The following ADGRL2 variants were observed in gnomAD, a reference collection of about 807,000 sequenced individuals.
ADGRL2 encodes calcium-independent alpha-latrotoxin receptor 2.
ADGRL2 carries 44 observed loss-of-function variants against 157.4 expected under a neutral mutation model. The ratio of observed to expected loss-of-function variants is 0.28; its 90% confidence interval spans 0.22 to 0.36. The LOEUF (loss-of-function observed/expected upper bound fraction) is 0.36. Ranked by LOEUF, ADGRL2 falls within the 10% of genes least tolerant of loss-of-function variation. The pLI is 1.00. For missense variants in ADGRL2, 1,510 were observed against 1,768.9 expected (o/e 0.85, Z 2.63); for synonymous variants, 585 against 624.7 (o/e 0.94, Z 0.95).
chr1:81,951,898 A>G, intron 8 of ADGRL2, 59 bp from the exon 9 acceptor site: 1 of 1,365,374 alleles, frequency 7.3e-7, no homozygotes, highest in Non-Finnish European at 1.0e-6. Context: ...CTCAAGGAGA[A>G]CTAGAAGCTG....
At chr1:81,623,055 T>C (rs184257296) in intron 3 of ADGRL2, among the ~76,000 whole-genome samples, 410 of 152,306 alleles carry the variant, frequency 2.7e-3, no homozygotes, top group Non-Finnish European at 3.6e-3. Context: ...TTAATGCAGA[T>C]TCTGATTCCA....
intron 1 of ADGRL2, among the ~76,000 whole-genome samples, chr1:81,373,132 A>G (rs1394206363): frequency 6.6e-6 from 1 of 152,142 alleles, no homozygotes; most frequent in Admixed American, 6.6e-5. Flanking sequence ...GTAAATATCT[A>G]GTTGGTGGCA....
At chr1:81,516,164 G>A (rs1267288295) in intron 2 of ADGRL2, among the ~76,000 whole-genome samples, 1 of 152,090 alleles carries the variant, frequency 6.6e-6, no homozygotes, top group Non-Finnish European at 1.5e-5. Flanking sequence ...ATGCCCATAA[G>A]TGAAATAGCT....
At chr1:81,422,226 TA>T (rs2077138702) in intron 1 of ADGRL2, among the ~76,000 whole-genome samples, 1 of 152,132 alleles carries the variant, frequency 6.6e-6, no homozygotes, top group African/African-American at 2.4e-5. Context: ...TTAAGAGGTA[TA>T]AAGATGCATT....
intron 1 of ADGRL2, among the ~76,000 whole-genome samples, chr1:81,816,529 A>G (rs2090421954): frequency 6.6e-6 from 1 of 151,928 alleles, no homozygotes; most frequent in Non-Finnish European, 1.5e-5. Flanking sequence ...CTTGCCATGC[A>G]AACTATTTGA....
chr1:81,844,404 T>A (rs1394744112), intron 2 of ADGRL2, among the ~76,000 whole-genome samples: 1 of 152,200 alleles, frequency 6.6e-6, no homozygotes, highest in Non-Finnish European at 1.5e-5. Context: ...AATTTTTTAA[T>A]ATACGATAGC....
chr1:81,392,641 T>C (rs2076580552), intron 1 of ADGRL2, among the ~76,000 whole-genome samples: 1 of 152,160 alleles, frequency 6.6e-6, no homozygotes, highest in Non-Finnish European at 1.5e-5. Context: ...TGGAAGCATA[T>C]TATTAAGAGA....
At chr1:81,595,864 T>C (rs1049755701) in intron 3 of ADGRL2, among the ~76,000 whole-genome samples, 1 of 152,140 alleles carries the variant, frequency 6.6e-6, no homozygotes, top group Non-Finnish European at 1.5e-5. Context: ...TATCTAACAG[T>C]TCTGGAAGCT....
At chr1:81,531,949 C>A (rs2079610424) in intron 2 of ADGRL2, among the ~76,000 whole-genome samples, 2 of 152,126 alleles carry the variant, frequency 1.3e-5, no homozygotes, top group African/African-American at 4.8e-5. Context: ...GTCTAACTGG[C>A]ATAAAAAATG....
chr1:81,578,676 T>C (rs1261425935), intron 2 of ADGRL2, among the ~76,000 whole-genome samples: 1 of 152,102 alleles, frequency 6.6e-6, no homozygotes, highest in African/African-American at 2.4e-5. Context: ...TTAAAAAAAT[T>C]TTTTTGAGCA....
chr1:81,640,138 A>G (rs1054382644), intron 3 of ADGRL2, among the ~76,000 whole-genome samples: 3 of 152,162 alleles, frequency 2.0e-5, no homozygotes, highest in Non-Finnish European at 4.4e-5. Context: ...CCATACAGCC[A>G]TCTGCCAAAC....
Position 81,322,529 on chromosome 1 carries a change from A to C in ADGRL2, c.-302+16020A>C, listed in dbSNP as rs144812567. 5.6e-3 allele frequency among the ~76,000 whole-genome samples: 856 copies of C among 152,224 alleles called. 10 individuals carry two copies. Among genetic ancestry groups the C allele is most frequent in the African/African-American group, 0.019 (805 of 41,550 alleles). On this transcript the variant is annotated intron_variant, in intron 1 of 24. Transcript: ENST00000370721. ...TCAATTAATCATAAGTTTAATATGCACCAGTGGTGATAGGACTGCTAAAAA... is the reference window on the plus strand; with the variant it reads ...TCAATTAATCATAAGTTTAATATGCCCCAGTGGTGATAGGACTGCTAAAAA...
At chr1:81,335,085 G>A (rs1046572611) in intron 1 of ADGRL2, among the ~76,000 whole-genome samples, 1 of 152,052 alleles carries the variant, frequency 6.6e-6, no homozygotes, top group Admixed American at 6.6e-5. Flanking sequence ...CTTGCCCAAG[G>A]TTGTATCTAT....
At chr1:81,655,309 A>T (rs1031101575) in intron 3 of ADGRL2, among the ~76,000 whole-genome samples, 1 of 152,070 alleles carries the variant, frequency 6.6e-6, no homozygotes, top group African/African-American at 2.4e-5. Flanking sequence ...CTCATTCTGT[A>T]TTTTTAATAT....
At chr1:81,404,611 A>T (rs2076820865) in intron 1 of ADGRL2, among the ~76,000 whole-genome samples, 1 of 152,222 alleles carries the variant, frequency 6.6e-6, no homozygotes, top group African/African-American at 2.4e-5. Context: ...AAAGCAATGA[A>T]TAAAATGCTT....
intron 2 of ADGRL2, among the ~76,000 whole-genome samples, chr1:81,547,936 A>G (rs2080057699): frequency 6.6e-6 from 1 of 152,234 alleles, no homozygotes; most frequent in Non-Finnish European, 1.5e-5. Context: ...GATACTGTGC[A>G]TCAATGTTAT....
At chr1:81,605,497 C>T (rs759367457) in intron 3 of ADGRL2, among the ~76,000 whole-genome samples, 2 of 152,110 alleles carry the variant, frequency 1.3e-5, no homozygotes, top group African/African-American at 4.8e-5. Flanking sequence ...TAAACTAAGC[C>T]CCCACATAAT....
At chr1:81,647,472 C>G (rs770510781) in intron 3 of ADGRL2, among the ~76,000 whole-genome samples, 5 of 152,088 alleles carry the variant, frequency 3.3e-5, no homozygotes, top group Non-Finnish European at 7.4e-5. Context: ...ACGGTCAAAA[C>G]GTAGTGGCAC....
intron 2 of ADGRL2, among the ~76,000 whole-genome samples, chr1:81,517,394 G>A (rs909849889): frequency 2.0e-5 from 3 of 150,396 alleles, no homozygotes; most frequent in African/African-American, 7.4e-5. Context: ...GAACCTGGGA[G>A]GTGGAGGTTG....
Sources: gnomAD v4.1 joint callset for allele counts (sites outside exome capture counted in the v4.1 genomes callset) on GRCh38, gnomAD v4.1.1 for gene constraint, MANE v1.5 for transcripts, NCBI Gene and HGNC (gene_info 2026-07-23, HGNC 2026-07-21) for gene names.